Variants in CAP1 observed in about 807,000 individuals in gnomAD.
The protein encoded by CAP1 is cyclase associated actin cytoskeleton regulatory protein 1.
Under a neutral mutation model 58.2 loss-of-function variants are expected in CAP1, and 11 were observed. That is an observed-to-expected ratio of 0.19 (90% CI 0.12 to 0.31). CAP1 has a LOEUF of 0.31. CAP1 is among the 10% of genes least tolerant of loss of function. The probability of loss-of-function intolerance (pLI) is 1.00; values close to 1 mark genes in which losing one functional copy is unlikely to be tolerated. For synonymous variants in CAP1, 183 were observed against 213.8 expected (o/e 0.86, Z 1.26); for missense variants, 423 against 587.5 (o/e 0.72, Z 2.89).
intron 7 of CAP1, among the ~76,000 whole-genome samples, chr1:40,066,762 AAGT>A (rs1256715515): frequency 7.9e-4 from 121 of 152,356 alleles, no homozygotes; most frequent in African/African-American, 2.7e-3. Context: ...TGAGACTTGA[AAGT>A]AGTATAGGGC....
intron 1 of CAP1, among the ~76,000 whole-genome samples, chr1:40,056,506 G>T (rs750372758): frequency 6.6e-6 from 1 of 152,002 alleles, no homozygotes; most frequent in Non-Finnish European, 1.5e-5. Flanking sequence ...ATGTTGTCCA[G>T]GCTGGTCGTG....
At chr1:40,059,301 T>C (rs1355400296) in intron 1 of CAP1, 36 bp from the exon 2 acceptor site, 1 of 1,237,566 alleles carries the variant, frequency 8.1e-7, no homozygotes, top group African/African-American at 1.5e-5. Flanking sequence ...CTATTTAATA[T>C]TTAAATAACA....
chr1:40,070,854 A>G lies in CAP1; in HGVS notation c.1219A>G (p.Thr407Ala), dbSNP rs199507631. Residue 407 changes from threonine (T) to alanine (A), a missense_variant, in exon 12 of 13, where the codon ACC (threonine) becomes GCC (alanine). Thr to Ala is a moderately conservative substitution (Grantham distance 58). Transcript: ENST00000372805. ...TCTGCAGGTAATGGGTAAAGTGCCA[A>G]CCATATCCATCAACAAAACAGATGG... ...VKVQVMGKVP[T>A]ISINKTDGCH... 28 of 1,612,534 alleles carry G rather than the reference A, an allele frequency of 1.7e-5. No homozygotes were observed. The African/African-American group carries it at 1.7e-4, about 10-fold the overall frequency.
At position 40,070,142 on chromosome 1, in the gene CAP1, G is replaced by A; in HGVS notation, c.994-17G>A. On this transcript the variant is annotated splice_polypyrimidine_tract_variant and intron_variant, in intron 9 of 12. Coordinates refer to ENST00000372805, the MANE Select transcript of CAP1 (RefSeq NM_006367.4). Reference sequence around the variant, plus strand: ...TGTGTGCTTTGTGATGAGAATCCTGGGATCTCTCTCTAACAGGAAAATCAG... The same window carrying A: ...TGTGTGCTTTGTGATGAGAATCCTGAGATCTCTCTCTAACAGGAAAATCAG... The A allele has an allele frequency of 6.2e-7, 1 of 1,613,552 alleles. No homozygotes were observed. The highest frequency in any genetic ancestry group is 8.5e-7 in the Non-Finnish European group (1 of 1,179,956).
chr1:40,048,391 G>A (rs1159296601), intron 1 of CAP1, among the ~76,000 whole-genome samples: 2 of 152,306 alleles, frequency 1.3e-5, no homozygotes, highest in Middle Eastern at 3.4e-3. Context: ...CTTTACTGGG[G>A]CAAAGTGGTG....
rs1309206414 is a variant in CAP1, at chr1:40,056,011, A to G, written c.-10-3326A>G. 4.6e-5 allele frequency among the ~76,000 whole-genome samples: 7 copies of G among 152,252 alleles called. No homozygotes were observed. In the South Asian group the frequency reaches 1.5e-3, roughly 32 times the overall value. The stretch of plus-strand genomic sequence containing the variant: ...CTGAAGCCCTTTGGATTTTTGTGCT[A>G]TTATTGTCTTCATTATAAAGATAAG... On this transcript the variant is annotated intron_variant, in intron 1 of 12. Transcript: ENST00000372805.
At chr1:40,062,289 A>G (rs200081597) in intron 4 of CAP1, among the ~76,000 whole-genome samples, 1 of 152,188 alleles carries the variant, frequency 6.6e-6, no homozygotes, top group East Asian at 1.9e-4. Context: ...TGAATTAGAG[A>G]AAATTTAGAT....
intron 1 of CAP1, among the ~76,000 whole-genome samples, chr1:40,051,405 C>T (rs1646360047): frequency 1.3e-5 from 2 of 152,020 alleles, no homozygotes; most frequent in South Asian, 4.1e-4. Flanking sequence ...TACACACACA[C>T]ACACACAAAA....
In CAP1 at chr1:40,068,429, C is replaced by G. The variant is rs972701516; in HGVS notation, c.808+712C>G. Among the ~76,000 whole-genome samples the G allele has an allele frequency of 5.3e-5, 8 of 151,894 alleles. No homozygotes were observed. The East Asian group carries it at 1.5e-3, about 29-fold the overall frequency. On this transcript the variant is annotated intron_variant, in intron 8 of 12. Transcript: ENST00000372805. ...GGGATTACAGCCATGCGTCACCATG[C>G]CTGGCTAATTTTTTTTTTTTGTATT...
At chr1:40,069,240 A>G (rs1308721743) in intron 8 of CAP1, among the ~76,000 whole-genome samples, 3 of 152,190 alleles carry the variant, frequency 2.0e-5, no homozygotes, top group Admixed American at 6.5e-5. Flanking sequence ...AACCAAATAT[A>G]TGTAGAAAAC....
rs540108094 is a variant in CAP1 at position 40,072,541 on chromosome 1, G to C, written c.*1008G>C. 1 of 154,444 alleles carries C rather than the reference G, an allele frequency of 6.5e-6. No individual in the cohort carries two copies. 9.6% of individuals were successfully genotyped at this position (154,444 alleles called of 1,614,324 possible). A position where few individuals can be genotyped will look rare whatever the true frequency, so the allele number is the denominator to read the frequency against. Reference sequence around the variant, plus strand: ...AAAATATGCAACTTTTTTTTGGTGGGAAGAGAGATTGTCCTGTGATTTCTA... The same window carrying C: ...AAAATATGCAACTTTTTTTTGGTGGCAAGAGAGATTGTCCTGTGATTTCTA... On this transcript the variant is annotated 3_prime_UTR_variant, in exon 13 of 13. Coordinates refer to ENST00000372805, the MANE Select transcript of CAP1 (RefSeq NM_006367.4).
At chr1:40,052,505 C>T (rs1646421093) in intron 1 of CAP1, among the ~76,000 whole-genome samples, 1 of 152,126 alleles carries the variant, frequency 6.6e-6, no homozygotes, top group African/African-American at 2.4e-5. Flanking sequence ...CAAGATTAGG[C>T]AGACATACAG....
intron 1 of CAP1, among the ~76,000 whole-genome samples, chr1:40,053,035 T>C (rs11207427): frequency 0.99 from 148,901 of 150,062 alleles, 73,883 homozygotes; most frequent in Non-Finnish European, 1. Context: ...CCATCCTGGC[T>C]AACATGGTGA....
At position 40,053,736 on chromosome 1, in the gene CAP1, C is replaced by T. The variant is rs191866429; in HGVS notation, c.-10-5601C>T. Among the ~76,000 whole-genome samples, 163 of 152,282 alleles carry T rather than the reference C, an allele frequency of 1.1e-3. 2 individuals carry two copies. Among genetic ancestry groups the T allele is most frequent in the Non-Finnish European group, 5.6e-4 (38 of 68,022 alleles). ...TGCTGTGATTACAGGCATGAGCCAC[C>T]GTGCCTGGCCATCTGGCAAGCTTTT... On this transcript the variant is annotated intron_variant, in intron 1 of 12. Transcript: ENST00000372805.
chr1:40,052,261 G>GTA (rs914524397), intron 1 of CAP1, among the ~76,000 whole-genome samples: 5 of 152,114 alleles, frequency 3.3e-5, no homozygotes, highest in African/African-American at 1.2e-4. Context: ...TTATATCTGT[G>GTA]TATGCTAGAT....
At chr1:40,059,587 T>C (rs771127530) in intron 2 of CAP1, 129 bp downstream of exon 2, 5 of 613,818 alleles carry the variant, frequency 8.1e-6, no homozygotes, top group Non-Finnish European at 1.5e-5. Context: ...TAATTTGTAT[T>C]GCTGTGAACA....
At chr1:40,042,483 G>C (rs1036740288) in intron 1 of CAP1, among the ~76,000 whole-genome samples, 1 of 152,178 alleles carries the variant, frequency 6.6e-6, no homozygotes, top group East Asian at 1.9e-4. Flanking sequence ...CAAGGACCTG[G>C]AGAACCGGAC....
chr1:40,072,371 A>T lies in CAP1; in HGVS notation c.*838A>T, dbSNP rs1452958518. 3 of 300,226 alleles carry T rather than the reference A, an allele frequency of 1.0e-5. No homozygotes were observed. The highest frequency in any genetic ancestry group is 2.2e-5 in the African/African-American group (1 of 46,290). The allele number at this position is 300,226 out of a possible 1,614,324, so 18.6% of individuals were successfully genotyped here. On this transcript the variant is annotated 3_prime_UTR_variant, in exon 13 of 13. Coordinates refer to ENST00000372805, the MANE Select transcript of CAP1 (RefSeq NM_006367.4). ...CCTCCTTTTCCCTGTCATGCTCATC[A>T]GCTTATGGCTTCTGTCTAAGCACCT...
chr1:40,058,681 C>G (rs1414067357), intron 1 of CAP1, among the ~76,000 whole-genome samples: 1 of 151,890 alleles, frequency 6.6e-6, no homozygotes, highest in Admixed American at 6.6e-5. Context: ...GAGATCCTGC[C>G]ACTGCACTCC....
Sources: gnomAD v4.1 joint callset for allele counts (sites outside exome capture counted in the v4.1 genomes callset) on GRCh38, gnomAD v4.1.1 for gene constraint, MANE v1.5 for transcripts, NCBI Gene and HGNC (gene_info 2026-07-23, HGNC 2026-07-21) for gene names.